Variants in AMH observed in about 807,000 individuals in gnomAD.
AMH encodes the protein anti-Muellerian hormone.
AMH carries 39 observed loss-of-function variants against 33.3 expected under a neutral mutation model. The observed-to-expected ratio is 1.17, with a 90% CI of 0.91 to 1.53. The LOEUF (loss-of-function observed/expected upper bound fraction) is 1.53, where lower values mean the gene tolerates loss of function less well. Among genes scored for constraint, AMH ranks in the 40% most tolerant of loss-of-function variants. The pLI is 0.00. For missense variants in AMH, 1,019 were observed against 799.8 expected (o/e 1.27, Z -3.30); for synonymous variants, 536 against 403.0 (o/e 1.33, Z -3.95).
rs2025022941 is a variant in AMH, at chr19:2,250,765, G to A, written c.664+5G>A. 3.9e-6 allele frequency: 6 copies of A among 1,534,886 alleles called. No individual in the cohort carries two copies. Among genetic ancestry groups the A allele is most frequent in the Non-Finnish European group, 5.2e-6 (6 of 1,146,764 alleles). ...CCCTGCAGCCCCGCGGAGAGGGTAG[G>A]TCCGCGTGGAGAGGGACGGGGAGCC... On this transcript the variant is annotated splice_donor_5th_base_variant and intron_variant, in intron 3 of 4. Coordinates refer to ENST00000221496, the MANE Select transcript of AMH (RefSeq NM_000479.5).
In AMH at chr19:2,250,433, C is replaced by G; in HGVS notation, c.509C>G (p.Pro170Arg). ...ELALLVLYPG[P>R]GPEVTVTRAG... ...GCGCTGCTGGTGCTGTACCCTGGGC[C>G]TGGCCCTGAGGTCACTGTGACGAGG... is the stretch of plus-strand genomic sequence containing the variant. The change falls in exon 2 of 5, where the codon CCT becomes CGT. Residue 170 changes from proline (P) to arginine (R), a missense_variant. Coordinates refer to ENST00000221496, the MANE Select transcript of AMH (RefSeq NM_000479.5). The G allele has an allele frequency of 6.4e-7, 1 of 1,558,272 alleles. No individual in the cohort carries two copies. The highest frequency in any genetic ancestry group is 1.4e-5 in the African/African-American group (1 of 73,810).
intron 2 of AMH, 59 bp downstream of exon 2, chr19:2,250,538 C>G: frequency 6.5e-7 from 1 of 1,539,474 alleles, no homozygotes; most frequent in Non-Finnish European, 8.7e-7. Context: ...GGATTTGTTG[C>G]AGGGTCTGCA....
In AMH at chr19:2,250,638, C is replaced by A. The variant is rs1389252898; in HGVS notation, c.556-14C>A. 1 of 1,538,568 alleles carries A rather than the reference C, an allele frequency of 6.5e-7. No individual in the cohort carries two copies. The highest frequency in any genetic ancestry group is 8.7e-7 in the Non-Finnish European group (1 of 1,146,726). On this transcript the variant is annotated splice_polypyrimidine_tract_variant and intron_variant, in intron 2 of 4. Transcript: ENST00000221496. Reference sequence around the variant, plus strand: ...AAGCCTCCATCCAGCCGGGCTGAGCCCTGGTCTCCGCAGAGCCTCTGCCCC... The same window carrying A: ...AAGCCTCCATCCAGCCGGGCTGAGCACTGGTCTCCGCAGAGCCTCTGCCCC...
rs2025053430 is a variant in AMH at position 2,251,832 on chromosome 19, C to G, written c.1558C>G (p.Leu520Val). The G allele has an allele frequency of 6.2e-7, 1 of 1,600,796 alleles. No individual in the cohort carries two copies. Among genetic ancestry groups the G allele is most frequent in the African/African-American group, 1.3e-5 (1 of 74,786 alleles). Residue 520 changes from leucine (L) to valine (V), a missense_variant, in exon 5 of 5, where the codon CTG becomes GTG. By Grantham distance (32) the Leu-to-Val change is conservative. Coordinates refer to ENST00000221496, the MANE Select transcript of AMH (RefSeq NM_000479.5). ...GAAGATGCAGGTCCGTGGGGCCGCCCTGGCGCGCCCACCCTGCTGCGTGCC... is the reference window on the plus strand; with the variant it reads ...GAAGATGCAGGTCCGTGGGGCCGCCGTGGCGCGCCCACCCTGCTGCGTGCC... ...LLKMQVRGAA[L>V]ARPPCCVPTA...
chr19:2,250,646 C>G lies in AMH; in HGVS notation c.556-6C>G, dbSNP rs1469279012. 1 of 1,538,708 alleles carries G rather than the reference C, an allele frequency of 6.5e-7. No homozygotes were observed. The highest frequency in any genetic ancestry group is 1.4e-5 in the African/African-American group (1 of 72,994). ...ATCCAGCCGGGCTGAGCCCTGGTCT[C>G]CGCAGAGCCTCTGCCCCTCCCGAGA... On this transcript the variant is annotated splice_polypyrimidine_tract_variant and splice_region_variant and intron_variant, in intron 2 of 4. Coordinates refer to ENST00000221496, the MANE Select transcript of AMH (RefSeq NM_000479.5).
rs1342939770 is a variant in AMH at position 2,250,769 on chromosome 19, G to A, written c.664+9G>A. 1.8e-5 allele frequency: 27 copies of A among 1,534,896 alleles called. No homozygotes were observed. The highest frequency in any genetic ancestry group is 2.7e-5 in the African/African-American group (2 of 73,194). On this transcript the variant is annotated intron_variant, in intron 3 of 4. Coordinates refer to ENST00000221496, the MANE Select transcript of AMH (RefSeq NM_000479.5). Reference sequence around the variant, plus strand: ...GCAGCCCCGCGGAGAGGGTAGGTCCGCGTGGAGAGGGACGGGGAGCCGGGT... The same window carrying A: ...GCAGCCCCGCGGAGAGGGTAGGTCCACGTGGAGAGGGACGGGGAGCCGGGT...
Position 2,251,499 on chromosome 19 carries a change from G to C in AMH, c.1225G>C (p.Ala409Pro), listed in dbSNP as rs748906397. 8 of 1,374,792 alleles carry C rather than the reference G, an allele frequency of 5.8e-6. No homozygotes were observed. Among genetic ancestry groups the C allele is most frequent in the Non-Finnish European group, 7.5e-6 (8 of 1,070,570 alleles). 85.2% of individuals were successfully genotyped at this position (1,374,792 alleles called of 1,614,324 possible). The stretch of plus-strand genomic sequence containing the variant: ...AGCCCCGCTGCTGGCGCGCCTGCTC[G>C]CGCTCTGCCCAGGTGGCCCCGGCGG... ...ATAPLLARLL[A>P]LCPGGPGGLG... Residue 409 changes from alanine (A) to proline (P), a missense_variant, in exon 5 of 5, where the codon GCG becomes CCG. Physicochemically the swap from Ala to Pro is conservative, Grantham distance 27. Transcript: ENST00000221496.
At chr19:2,250,157 A>T (rs1009262914) in intron 1 of AMH, 180 bp from the exon 2 acceptor site, 4 of 1,042,772 alleles carry the variant, frequency 3.8e-6, no homozygotes, top group Non-Finnish European at 5.6e-6. Flanking sequence ...CCTCAGACGC[A>T]GCCCCTGCCT....
Position 2,252,000 on chromosome 19 carries a change from C to T in AMH, c.*43C>T. 1 of 1,528,932 alleles carries T rather than the reference C, an allele frequency of 6.5e-7. No individual in the cohort carries two copies. The highest frequency in any genetic ancestry group is 8.7e-7 in the Non-Finnish European group (1 of 1,143,352). 94.7% of individuals were successfully genotyped at this position (1,528,932 alleles called of 1,614,324 possible). A position where few individuals can be genotyped will look rare whatever the true frequency, so the allele number is the denominator to read the frequency against. On this transcript the variant is annotated 3_prime_UTR_variant, in exon 5 of 5. Transcript: ENST00000221496. Reference sequence around the variant, plus strand: ...CTCCTGCCCCGAGGGTCCGGACGCGCCCCAGCTCGCGCCCCTTCCCATATT... The same window carrying T: ...CTCCTGCCCCGAGGGTCCGGACGCGTCCCAGCTCGCGCCCCTTCCCATATT...
rs183022283 is a variant in AMH at position 2,251,597 on chromosome 19, G to A, written c.1323G>A (p.Arg441=). 22 of 1,291,730 alleles carry A rather than the reference G, an allele frequency of 1.7e-5. No individual in the cohort carries two copies. The Admixed American group carries it at 8.0e-4, about 47-fold the overall frequency. 80.0% of individuals were successfully genotyped at this position (1,291,730 alleles called of 1,614,324 possible). The change falls in exon 5 of 5, where the codon CGG becomes CGA. Residue 441 remains arginine, a synonymous_variant. Coordinates refer to ENST00000221496, the MANE Select transcript of AMH (RefSeq NM_000479.5). ...GCCTGCGCGTGGAGTGGCGCGGGCGGGATCCGCGCGGGCCGGGTCGGGCAC... is the reference window on the plus strand; with the variant it reads ...GCCTGCGCGTGGAGTGGCGCGGGCGAGATCCGCGCGGGCCGGGTCGGGCAC... The part of the protein sequence containing the change: ...LQGLRVEWRG[R]DPRGPGRAQR...
In AMH at chr19:2,250,957, C is replaced by CGCCGCT; in HGVS notation, c.777_782dup (p.Leu260_Pro261dup). The CGCCGCT allele has an allele frequency of 6.6e-7, 1 of 1,526,474 alleles. No homozygotes were observed. The highest frequency in any genetic ancestry group is 8.7e-7 in the Non-Finnish European group (1 of 1,144,810). 94.6% of individuals were successfully genotyped at this position (1,526,474 alleles called of 1,614,324 possible). A position where few individuals can be genotyped will look rare whatever the true frequency, so the allele number is the denominator to read the frequency against. On this transcript the variant is annotated inframe_insertion, in exon 4 of 5. Transcript: ENST00000221496. ...CTCCTGCTGCCGCGGTCCGAGCCCG[C>CGCCGCT]GCCGCTGCCTGCGCACGGCCAGCTG...
chr19:2,251,295 G>C lies in AMH; in HGVS notation c.1021G>C (p.Asp341His), dbSNP rs1413951811. 5.3e-6 allele frequency: 8 copies of C among 1,503,274 alleles called. No homozygotes were observed. The highest frequency in any genetic ancestry group is 7.1e-6 in the Non-Finnish European group (8 of 1,133,908). 93.1% of individuals were successfully genotyped at this position (1,503,274 alleles called of 1,614,324 possible). ...CCCCGCGGCGCTGGAGCGCCTACTCGACGGCGAGGAGCCGCTGCTGCTGCT... is the reference window on the plus strand; with the variant it reads ...CCCCGCGGCGCTGGAGCGCCTACTCCACGGCGAGGAGCCGCTGCTGCTGCT... ...SDPAALERLL[D>H]GEEPLLLLLR... The change falls in exon 5 of 5, where the codon GAC becomes CAC. Residue 341 changes from aspartate (D) to histidine (H), a missense_variant. Physicochemically the swap from Asp to His is moderately conservative, Grantham distance 81. Transcript: ENST00000221496.
intron 1 of AMH, 139 bp from the exon 2 acceptor site, chr19:2,250,198 G>A (rs2025004018): frequency 2.9e-6 from 4 of 1,386,604 alleles, no homozygotes; most frequent in South Asian, 1.2e-5. Flanking sequence ...CTGGCTGCAG[G>A]AAGGCAGCTA....
chr19:2,251,329 C>T lies in AMH; in HGVS notation c.1055C>T (p.Pro352Leu), dbSNP rs1420676988. Residue 352 changes from proline (P) to leucine (L), a missense_variant, in exon 5 of 5, where the codon CCC becomes CTC. By Grantham distance (98) the Pro-to-Leu change is moderately conservative. Coordinates refer to ENST00000221496, the MANE Select transcript of AMH (RefSeq NM_000479.5). ...GAGCCGCTGCTGCTGCTGCTGAGGC[C>T]CACTGCGGCCACCACCGGGGATCCT... The part of the protein sequence containing the change: ...GEEPLLLLLR[P>L]TAATTGDPAP... The T allele has an allele frequency of 1.0e-5, 15 of 1,496,182 alleles. No homozygotes were observed. The highest frequency in any genetic ancestry group is 2.3e-4 in the Middle Eastern group (1 of 4,324). The allele number at this position is 1,496,182 out of a possible 1,614,324, so 92.7% of individuals were successfully genotyped here.
Position 2,250,961 on chromosome 19 carries a change from G to T in AMH, c.777G>T (p.Pro259=). ...TGCTGCCGCGGTCCGAGCCCGCGCC[G>T]CTGCCTGCGCACGGCCAGCTGGACA... ...LLLLPRSEPA[P]LPAHGQLDTV... is the part of the protein sequence containing the mutation. Residue 259 remains proline, a synonymous_variant, in exon 4 of 5, where the codon CCG becomes CCT. Coordinates refer to ENST00000221496, the MANE Select transcript of AMH (RefSeq NM_000479.5). 6.6e-7 allele frequency: 1 copy of T among 1,521,146 alleles called. No homozygotes were observed. Among genetic ancestry groups the T allele is most frequent in the Non-Finnish European group, 8.8e-7 (1 of 1,142,044 alleles). The allele number at this position is 1,521,146 out of a possible 1,614,324, so 94.2% of individuals were successfully genotyped here.
intron 2 of AMH, 58 bp from the exon 3 acceptor site, chr19:2,250,594 C>A: frequency 6.5e-7 from 1 of 1,536,198 alleles, no homozygotes; most frequent in Non-Finnish European, 8.7e-7. Flanking sequence ...GGAAGGGGAC[C>A]GGTAGAGCGG....
chr19:2,250,666 C>T lies in AMH; in HGVS notation c.570C>T (p.Ser190=), dbSNP rs1351878881. ...GGTCTCCGCAGAGCCTCTGCCCCTC[C>T]CGAGACACCCGCTACCTGGTGTTAG... ...GLPGAQSLCP[S]RDTRYLVLAV... The change falls in exon 3 of 5, where the codon TCC becomes TCT. Residue 190 remains serine, a synonymous_variant. Transcript: ENST00000221496. The T allele has an allele frequency of 1.9e-6, 3 of 1,539,328 alleles. No homozygotes were observed. The highest frequency in any genetic ancestry group is 1.4e-5 in the African/African-American group (1 of 73,022).
In AMH at chr19:2,249,674, T is replaced by C. The variant is rs762567748; in HGVS notation, c.342T>C (p.Ser114=). The change falls in exon 1 of 5, where the codon TCT becomes TCC. Residue 114 remains serine (S), a synonymous_variant. Coordinates refer to ENST00000221496, the MANE Select transcript of AMH (RefSeq NM_000479.5). ...GTGACAGGCAGGCTGCCTTGCCCTCTCTACGGCGGCTGGGGGCCTGGCTGC... is the reference window on the plus strand; with the variant it reads ...GTGACAGGCAGGCTGCCTTGCCCTCCCTACGGCGGCTGGGGGCCTGGCTGC... ...NTGDRQAALP[S]LRRLGAWLRD... 17 of 1,504,242 alleles carry C rather than the reference T, an allele frequency of 1.1e-5. No homozygotes were observed. Among genetic ancestry groups the C allele is most frequent in the Non-Finnish European group, 1.4e-5 (16 of 1,131,178 alleles). 93.2% of individuals were successfully genotyped at this position (1,504,242 alleles called of 1,614,324 possible).
intron 1 of AMH, 92 bp from the exon 2 acceptor site, chr19:2,250,245 C>T (rs575778672): frequency 6.5e-7 from 1 of 1,532,864 alleles, no homozygotes; most frequent in East Asian, 2.4e-5. Context: ...AGGTCCCCTG[C>T]ACAGTGGCCA....
Sources: allele counts gnomAD v4.1 joint callset, GRCh38; gene constraint gnomAD v4.1.1; transcripts MANE v1.5; gene names NCBI Gene and HGNC (gene_info 2026-07-23, HGNC 2026-07-21).